Variants in HLCS observed in about 807,000 individuals in gnomAD.
The protein encoded by HLCS is holocarboxylase synthetase, also known as biotin--protein ligase.
HLCS carries 53 observed loss-of-function variants against 75.0 expected under a neutral mutation model. The ratio of observed to expected loss-of-function variants is 0.71; its 90% CI spans 0.57 to 0.89. The LOEUF is 0.89. HLCS is among the 40% of genes least tolerant of loss of function. The pLI is 0.00. For missense variants in HLCS, 966 were observed against 1,074.0 expected (o/e 0.90, Z 1.41); for synonymous variants, 431 against 428.6 (o/e 1.01, Z -0.07).
At chr21:36,935,515 C>T (rs1209000088) in intron 4 of HLCS, among the ~76,000 whole-genome samples, 5 of 152,146 alleles carry the variant, frequency 3.3e-5, no homozygotes, top group African/African-American at 4.8e-5. Context: ...GGAAACAATT[C>T]TCTATCTCAA....
chr21:36,860,686 TAGAG>T lies in HLCS; in HGVS notation c.1892+36170_1892+36173del, dbSNP rs552725863. On this transcript the variant is annotated intron_variant, in intron 6 of 10. Transcript: ENST00000674895. ...TTATTTCTCTTAGAAATTCACCTGA[TAGAG>T]AGGGATTACTGCATTTTCTAAACCA... Among the ~76,000 whole-genome samples, 263 of 152,364 alleles carry T rather than the reference TAGAG, an allele frequency of 1.7e-3. 1 individual carries two copies. Among genetic ancestry groups the T allele is most frequent in the Middle Eastern group, 0.01 (3 of 294 alleles).
chr21:36,924,707 T>TA (rs1442976194), intron 5 of HLCS, among the ~76,000 whole-genome samples: 1 of 152,068 alleles, frequency 6.6e-6, no homozygotes, highest in Non-Finnish European at 1.5e-5. Flanking sequence ...GCGACACAGG[T>TA]AAAAAAGCTT....
intron 9 of HLCS, 135 bp downstream of exon 9, chr21:36,759,592 C>T: frequency 1.5e-6 from 1 of 681,394 alleles, no homozygotes; most frequent in Non-Finnish European, 2.7e-6. Flanking sequence ...CATCTATACC[C>T]TGCTCCAAAA....
chr21:36,892,762 C>T (rs888130561), intron 6 of HLCS, among the ~76,000 whole-genome samples: 3 of 152,006 alleles, frequency 2.0e-5, no homozygotes, highest in Admixed American at 6.6e-5. Context: ...GAATGGTAGA[C>T]GGAGAAAAAG....
chr21:36,782,028 GA>G (rs148237375), intron 6 of HLCS, among the ~76,000 whole-genome samples: 23 of 150,518 alleles, frequency 1.5e-4, no homozygotes, highest in Admixed American at 7.3e-4. Flanking sequence ...TGCATTCCTA[GA>G]AAAAAAAATC....
chr21:36,895,891 A>G (rs1030513042), intron 6 of HLCS, among the ~76,000 whole-genome samples: 1 of 152,192 alleles, frequency 6.6e-6, no homozygotes, highest in African/African-American at 2.4e-5. Context: ...AAATTTTTTA[A>G]ACTAAAATAG....
chr21:36,947,372 C>A, intron 2 of HLCS: 1 of 985,348 alleles, frequency 1.0e-6, no homozygotes, highest in Non-Finnish European at 1.2e-6. Context: ...GGTCCATGAG[C>A]CATGGACCAT....
chr21:36,860,740 T>C (rs964978446), intron 6 of HLCS, among the ~76,000 whole-genome samples: 1 of 152,254 alleles, frequency 6.6e-6, no homozygotes, highest in Non-Finnish European at 1.5e-5. Context: ...ACGGCACATC[T>C]GGTATGATAG....
chr21:36,969,959 A>G (rs899702479), upstream of HLCS, among the ~76,000 whole-genome samples: 1 of 152,186 alleles, frequency 6.6e-6, no homozygotes, highest in Non-Finnish European at 1.5e-5. Context: ...ACTGAAGACC[A>G]CCTCTGAAAC....
intron 5 of HLCS, among the ~76,000 whole-genome samples, chr21:36,902,228 TG>T (rs1209542610): frequency 6.6e-6 from 1 of 152,030 alleles, no homozygotes; most frequent in Non-Finnish European, 1.5e-5. Flanking sequence ...AATGGGGCAG[TG>T]GCTAGAGGGA....
chr21:36,905,256 C>A (rs1026827115), intron 5 of HLCS, among the ~76,000 whole-genome samples: 6 of 152,100 alleles, frequency 3.9e-5, no homozygotes, highest in Admixed American at 1.3e-4. Context: ...TATAAATGCA[C>A]ATTAAAACCT....
chr21:36,945,823 T>C (rs907127001), intron 2 of HLCS, among the ~76,000 whole-genome samples: 1 of 152,216 alleles, frequency 6.6e-6, no homozygotes, highest in African/African-American at 2.4e-5. Flanking sequence ...TCTCAATTTT[T>C]TAAAACAAAA....
rs1378874938 is a variant in HLCS, at chr21:36,803,227, GAGA to G, written c.1893-35945_1893-35943del. 3.3e-5 allele frequency among the ~76,000 whole-genome samples: 5 copies of G among 152,242 alleles called. No homozygotes were observed. The East Asian group carries it at 5.8e-4, about 18-fold the overall frequency. The stretch of plus-strand genomic sequence containing the variant: ...CCATTGACAAGCCGGCCTTTGTGAT[GAGA>G]AGGAGGCTCATGGCACAGTCTCAGC... On this transcript the variant is annotated intron_variant, in intron 6 of 10. Transcript: ENST00000674895.
At chr21:36,782,028 G>GAA (rs148237375) in intron 6 of HLCS, among the ~76,000 whole-genome samples, 2 of 150,410 alleles carry the variant, frequency 1.3e-5, no homozygotes, top group Non-Finnish European at 3.0e-5. Flanking sequence ...TGCATTCCTA[G>GAA]AAAAAAAAAT....
intron 1 of HLCS, among the ~76,000 whole-genome samples, chr21:36,985,958 A>G (rs2069220863): frequency 1.3e-5 from 2 of 152,156 alleles, no homozygotes; most frequent in Non-Finnish European, 2.9e-5. Context: ...TTCCTTGTAT[A>G]TGTTTGTAAT....
At chr21:36,888,438 AAAAAAAAATAT>A (rs1214803696) in intron 6 of HLCS, among the ~76,000 whole-genome samples, 2 of 30,384 alleles carry the variant, frequency 6.6e-5, no homozygotes, top group African/African-American at 2.3e-4. Flanking sequence ...CATTTAAAAA[AAAAAAAAATAT>A]ATATATATAT....
At chr21:36,908,615 G>C (rs1476050044) in intron 5 of HLCS, among the ~76,000 whole-genome samples, 1 of 152,140 alleles carries the variant, frequency 6.6e-6, no homozygotes, top group Non-Finnish European at 1.5e-5. Flanking sequence ...ACAAAGACCT[G>C]TATGTGGATG....
chr21:36,913,404 C>A (rs1363247066), intron 5 of HLCS, among the ~76,000 whole-genome samples: 1 of 151,488 alleles, frequency 6.6e-6, no homozygotes, highest in Non-Finnish European at 1.5e-5. Flanking sequence ...TGGCTCAGAG[C>A]TGGGGGTGGG....
intron 6 of HLCS, among the ~76,000 whole-genome samples, chr21:36,792,479 GA>G (rs1569016796): frequency 7.2e-6 from 1 of 138,560 alleles, no homozygotes; most frequent in African/African-American, 2.6e-5. Context: ...GGGAGAGGGG[GA>G]GGGAAGGGAT....
Sources: gnomAD v4.1 joint callset for allele counts (sites outside exome capture counted in the v4.1 genomes callset) on GRCh38, gnomAD v4.1.1 for gene constraint, MANE v1.5 for transcripts, NCBI Gene and HGNC (gene_info 2026-07-23, HGNC 2026-07-21) for gene names.